The following LRP1 variants were observed in gnomAD, a reference collection of about 807,000 sequenced individuals.
LRP1 encodes LDL receptor related protein 1.
Under a neutral mutation model 541.5 loss-of-function variants are expected in LRP1, and 51 were observed. The ratio of observed to expected loss-of-function variants is 0.09; its 90% CI spans 0.08 to 0.12. The LOEUF is 0.12. Ranked by LOEUF, LRP1 falls within the 10% of genes least tolerant of loss-of-function variation. LRP1 has a pLI of 1.00. For missense variants in LRP1, 3,878 were observed against 6,376.2 expected (o/e 0.61, Z 13.34); for synonymous variants, 2,219 against 2,470.8 (o/e 0.90, Z 3.02).
chr12:57,175,271 T>C (rs540463252), intron 22 of LRP1, among the ~76,000 whole-genome samples, 189 bp from the exon 23 acceptor site: 1 of 152,284 alleles, frequency 6.6e-6, no homozygotes, highest in East Asian at 1.9e-4. Flanking sequence ...ACTCTGGTCC[T>C]GAGGGAGCCC....
At position 57,158,206 on chromosome 12, in the gene LRP1, C is replaced by A. The variant is rs1467934990; in HGVS notation, c.1562-196C>A. The stretch of plus-strand genomic sequence containing the variant: ...ACCCTTGGAGTGCAGAGGTCAGACC[C>A]CAGGGTATTGCGGCCAGGACCCATC... On this transcript the variant is annotated intron_variant, in intron 10 of 88. Transcript: ENST00000243077. The surrounding 1 kb of genome is among the most constrained non-coding windows in gnomAD (Gnocchi z 5.3). Among the ~76,000 whole-genome samples, 1 of 152,210 alleles carries A rather than the reference C, an allele frequency of 6.6e-6. No individual in the cohort carries two copies. The highest frequency in any genetic ancestry group is 1.9e-4 in the East Asian group (1 of 5,198).
chr12:57,174,561 G>T (rs2036006718), intron 22 of LRP1, among the ~76,000 whole-genome samples: 1 of 152,196 alleles, frequency 6.6e-6, no homozygotes, highest in Admixed American at 6.5e-5. Flanking sequence ...GATCACTTGA[G>T]CTCAGGAATT....
intron 68 of LRP1, 32 bp downstream of exon 68, chr12:57,202,569 CCCCTCCCAGGCCTGGCCCTTGTCTCGCGG>C (rs1418194437): frequency 1.0e-5 from 15 of 1,430,084 alleles, no homozygotes; most frequent in Non-Finnish European, 1.4e-5. Flanking sequence ...CCCGCATGAG[CCCCTCCCAGGCCTGGCCCTTGTCTCGCGG>C]CCCTCCTGCC....
rs150712229 is a variant in LRP1 at position 57,181,230 on chromosome 12, G to C, written c.5601G>C (p.Thr1867=). 6.2e-7 allele frequency: 1 copy of C among 1,613,682 alleles called. No homozygotes were observed. Among genetic ancestry groups the C allele is most frequent in the Non-Finnish European group, 8.5e-7 (1 of 1,180,036 alleles). The change falls in exon 34 of 89, where the codon ACG becomes ACC. Residue 1867 remains threonine (T), a synonymous_variant. Transcript: ENST00000243077. Reference sequence around the variant, plus strand: ...AGCTCTGCCTGCCCACGTCAGAGACGACCCGCTCCTGCATGTGCACAGCCG... The same window carrying C: ...AGCTCTGCCTGCCCACGTCAGAGACCACCCGCTCCTGCATGTGCACAGCCG... ...CSQLCLPTSE[T]TRSCMCTAGY...
At chr12:57,161,969 T>C (rs1156559521) in intron 13 of LRP1, among the ~76,000 whole-genome samples, 1 of 151,686 alleles carries the variant, frequency 6.6e-6, no homozygotes, top group Non-Finnish European at 1.5e-5. Context: ...GTCTGCTCAT[T>C]AGTGTGTGTG....
chr12:57,200,417 C>G, intron 62 of LRP1, 25 bp from the exon 63 acceptor site: 1 of 1,389,630 alleles, frequency 7.2e-7, no homozygotes, highest in South Asian at 1.2e-5. Context: ...CCCACCAACC[C>G]CTCTTGCCCC....
At chr12:57,187,626 G>A (rs986154586) in intron 42 of LRP1, among the ~76,000 whole-genome samples, 170 bp downstream of exon 42, 1 of 152,168 alleles carries the variant, frequency 6.6e-6, no homozygotes, top group African/African-American at 2.4e-5. Flanking sequence ...TAAGCTTCAG[G>A]TTCCTCTTCT....
At chr12:57,182,379 TG>T (rs1002708654) in intron 34 of LRP1, among the ~76,000 whole-genome samples, 6 of 151,928 alleles carry the variant, frequency 3.9e-5, no homozygotes, top group African/African-American at 1.5e-4. Flanking sequence ...GGCGTGGTGG[TG>T]GGCACCTGTA....
chr12:57,176,268 C>G (rs776867436), intron 24 of LRP1, among the ~76,000 whole-genome samples, 162 bp downstream of exon 24: 1 of 152,254 alleles, frequency 6.6e-6, no homozygotes, highest in South Asian at 2.1e-4. Context: ...CCATGCCTGA[C>G]GCCCCGTAAT....
At chr12:57,193,039 C>T in intron 45 of LRP1, 69 bp downstream of exon 45, 4 of 1,589,324 alleles carry the variant, frequency 2.5e-6, no homozygotes, top group Non-Finnish European at 3.4e-6. Context: ...ACCATCTCCC[C>T]TACATGCTCC....
At chr12:57,209,600 G>A in intron 79 of LRP1, 92 bp from the exon 80 acceptor site, 1 of 1,084,606 alleles carries the variant, frequency 9.2e-7, no homozygotes, top group South Asian at 1.4e-5. Context: ...TGAGTTTGAG[G>A]TGTCTGGGAA....
Position 57,194,569 on chromosome 12 carries a change from C to A in LRP1, c.8069-8C>A. 1 of 1,612,386 alleles carries A rather than the reference C, an allele frequency of 6.2e-7. No homozygotes were observed. The highest frequency in any genetic ancestry group is 2.2e-5 in the East Asian group (1 of 44,864). ...GAGCAGGGCCCTCACACCTGCCTCG[C>A]CCCCCAGGTGTGAAACGCCCCAGAT... On this transcript the variant is annotated splice_polypyrimidine_tract_variant and splice_region_variant and intron_variant, in intron 49 of 88. Transcript: ENST00000243077.
chr12:57,179,509 A>G lies in LRP1; in HGVS notation c.4919A>G (p.Lys1640Arg). The change falls in exon 29 of 89, where the codon AAG becomes AGG. Residue 1640 changes from lysine (K) to arginine (R), a missense_variant. By Grantham distance (26) the Lys-to-Arg change is conservative. This residue lies in a region of LRP1 where 394 missense variants were observed against 635.9 expected (regional missense o/e 0.62). Coordinates refer to ENST00000243077, the MANE Select transcript of LRP1 (RefSeq NM_002332.3). The surrounding 1 kb of genome is among the most constrained non-coding windows in gnomAD (Gnocchi z 6.8). ...YWSDVRTQAI[K>R]RAFINGTGVE... ...TCTGACGTGCGGACACAGGCCATCA[A>G]GCGGGCCTTCATCAACGGCACAGGC... 6.2e-7 allele frequency: 1 copy of G among 1,614,208 alleles called. No homozygotes were observed. Among genetic ancestry groups the G allele is most frequent in the South Asian group, 1.1e-5 (1 of 91,088 alleles).
In LRP1 at chr12:57,166,980, C is replaced by G; in HGVS notation, c.2848C>G (p.Pro950Ala). The G allele has an allele frequency of 6.2e-7, 1 of 1,614,158 alleles. No homozygotes were observed. Among genetic ancestry groups the G allele is most frequent in the Middle Eastern group, 1.6e-4 (1 of 6,062 alleles). Residue 950 changes from proline (P) to alanine (A), a missense_variant, in exon 18 of 89, where the codon CCC becomes GCC. Pro to Ala is a conservative substitution (Grantham distance 27, BLOSUM62 -1). This residue lies in a region of LRP1 where 320 missense variants were observed against 547.9 expected (regional missense o/e 0.58). Transcript: ENST00000243077. ...CTCCTGTGCCAGTGGCCGCTGCATC[C>G]CCATCTCCTGGACGTGTGATCTGGA... ...QFSCASGRCIPISWTCDLDDD... is the reference protein window; with the variant it reads ...QFSCASGRCIAISWTCDLDDD...
At chr12:57,182,516 T>TA (rs530599434) in intron 34 of LRP1, among the ~76,000 whole-genome samples, 3,407 of 113,816 alleles carry the variant, frequency 0.03, 136 homozygotes, top group African/African-American at 0.09. Flanking sequence ...CCATCTCAAT[T>TA]AAAAAAAAAA....
In LRP1 at chr12:57,184,072, AC is replaced by A. The variant is rs2036220616; in HGVS notation, c.5930-12del. On this transcript the variant is annotated splice_polypyrimidine_tract_variant and intron_variant, in intron 36 of 88. Coordinates refer to ENST00000243077, the MANE Select transcript of LRP1 (RefSeq NM_002332.3). The surrounding 1 kb of genome is among the most constrained non-coding windows in gnomAD (Gnocchi z 7.8). Reference sequence around the variant, plus strand: ...CACCTAACCTCCCTGAGCCCCACCAACTCCCTCCTTAGGCAACATCTACTGG... The same window carrying A: ...CACCTAACCTCCCTGAGCCCCACCAATCCCTCCTTAGGCAACATCTACTGG... 6.2e-7 allele frequency: 1 copy of A among 1,611,406 alleles called. No individual in the cohort carries two copies.
At position 57,184,496 on chromosome 12, in the gene LRP1, A is replaced by T; in HGVS notation, c.6186+44A>T. The T allele has an allele frequency of 6.2e-7, 1 of 1,612,290 alleles. No homozygotes were observed. Among genetic ancestry groups the T allele is most frequent in the Non-Finnish European group, 8.5e-7 (1 of 1,179,290 alleles). Reference sequence around the variant, plus strand: ...CCTTGGATCCGATGGTAGACCCCTGACCCAGGCTCCTGTTCCCTGTGATGA... The same window carrying T: ...CCTTGGATCCGATGGTAGACCCCTGTCCCAGGCTCCTGTTCCCTGTGATGA... On this transcript the variant is annotated intron_variant, in intron 38 of 88. Transcript: ENST00000243077. The surrounding 1 kb of genome is among the most constrained non-coding windows in gnomAD (Gnocchi z 7.8).
rs1315624224 is a variant in LRP1 at position 57,128,784 on chromosome 12, A to G, written c.-181A>G. ...GCACCCCCGTCAGCAGGCCCTCCCC[A>G]AGGGGCTCGGAACTCTACCTCTTCA... is the stretch of plus-strand genomic sequence containing the variant. On this transcript the variant is annotated 5_prime_UTR_variant, in exon 1 of 89. Transcript: ENST00000243077. The G allele has an allele frequency of 1.4e-5, 7 of 502,068 alleles. No homozygotes were observed. The East Asian group carries it at 2.2e-4, about 16-fold the overall frequency. The allele number at this position is 502,068 out of a possible 1,614,324, so 31.1% of individuals were successfully genotyped here.
chr12:57,138,701 A>T (rs1010034372), intron 2 of LRP1, 120 bp downstream of exon 2: 15 of 1,382,254 alleles, frequency 1.1e-5, no homozygotes, highest in Non-Finnish European at 1.5e-5. Flanking sequence ...CAGTGATTGT[A>T]TTTGTCCATG....
Sources: gnomAD v4.1 joint callset for allele counts (sites outside exome capture counted in the v4.1 genomes callset) on GRCh38, gnomAD v4.1.1 for gene constraint, gnomAD v4.1.1 regional missense constraint, Gnocchi (gnomAD v3.1) non-coding constraint, MANE v1.5 for transcripts, NCBI Gene and HGNC (gene_info 2026-07-23, HGNC 2026-07-21) for gene names.